KSR1: variants seen among roughly 807,000 people sequenced by gnomAD.
The protein encoded by KSR1 is kinase suppressor of ras 1.
KSR1 carries 35 observed loss-of-function variants against 92.9 expected under a neutral mutation model. The observed-to-expected ratio is 0.38, with a 90% CI of 0.29 to 0.50. The LOEUF is 0.50. KSR1 is among the 20% of genes least tolerant of loss of function. KSR1 has a pLI of 0.94. For missense variants in KSR1, 972 were observed against 1,158.5 expected (o/e 0.84, Z 2.34); for synonymous variants, 467 against 472.6 (o/e 0.99, Z 0.15).
At chr17:27,462,882 T>G (rs1022157941) in intron 1 of KSR1, among the ~76,000 whole-genome samples, 1 of 152,236 alleles carries the variant, frequency 6.6e-6, no homozygotes, top group Non-Finnish European at 1.5e-5. Flanking sequence ...CATTGCCTTG[T>G]AAATGTCTTC....
chr17:27,602,947 G>C (rs990623036), intron 11 of KSR1, among the ~76,000 whole-genome samples: 1 of 152,256 alleles, frequency 6.6e-6, no homozygotes, highest in African/African-American at 2.4e-5. Context: ...AGAAGGTCGA[G>C]GGAGGTCTTT....
intron 1 of KSR1, among the ~76,000 whole-genome samples, chr17:27,545,623 T>C (rs1412769597): frequency 6.6e-6 from 1 of 151,844 alleles, no homozygotes; most frequent in East Asian, 1.9e-4. Flanking sequence ...CCTCCCAGAG[T>C]TTCCAGCCTG....
intron 18 of KSR1, 81 bp from the exon 19 acceptor site, chr17:27,617,214 G>C: frequency 7.0e-7 from 1 of 1,436,148 alleles, no homozygotes; most frequent in South Asian, 1.5e-5. Flanking sequence ...ACATCAAAGG[G>C]ACCCTTTGTG....
chr17:27,493,505 C>T (rs918247975), intron 1 of KSR1, among the ~76,000 whole-genome samples: 7 of 152,180 alleles, frequency 4.6e-5, no homozygotes, highest in Non-Finnish European at 8.8e-5. Flanking sequence ...CCGTGGTGCT[C>T]GGTAGACCCC....
chr17:27,576,125 C>T (rs773083948), intron 2 of KSR1, among the ~76,000 whole-genome samples: 7 of 152,316 alleles, frequency 4.6e-5, no homozygotes, highest in Admixed American at 2.0e-4. Flanking sequence ...CTGCTTTTCA[C>T]GCTTCAGGTC....
At chr17:27,615,148 C>T (rs2074023567) in intron 18 of KSR1, among the ~76,000 whole-genome samples, 1 of 152,242 alleles carries the variant, frequency 6.6e-6, no homozygotes, top group Non-Finnish European at 1.5e-5. Context: ...CCAAAGGCAT[C>T]ACCTGGGTCT....
chr17:27,472,734 C>T (rs1372064858), intron 1 of KSR1, among the ~76,000 whole-genome samples: 3 of 151,994 alleles, frequency 2.0e-5, no homozygotes, highest in Non-Finnish European at 4.4e-5. Flanking sequence ...ACCTGGGAGA[C>T]GGAGGTTGCA....
At position 27,559,891 on chromosome 17, in the gene KSR1, G is replaced by A. The variant is rs534818222; in HGVS notation, c.372+9183G>A. ...GGTGGATTCCTGCAGCTCTCCCTGT[G>A]TGCAGTGTAGGGGTTGGGGCTCCTC... On this transcript the variant is annotated intron_variant, in intron 2 of 20. Coordinates refer to ENST00000644974, the MANE Select transcript of KSR1 (RefSeq NM_001394583.1). This position sits in a 1 kb window ranked among gnomAD's most constrained non-coding sequence, Gnocchi z 4.2. Among the ~76,000 whole-genome samples the A allele has an allele frequency of 1.3e-4, 20 of 152,254 alleles. No homozygotes were observed. Among genetic ancestry groups the A allele is most frequent in the Non-Finnish European group, 2.5e-4 (17 of 68,038 alleles).
At chr17:27,599,198 A>G (rs528888792) in intron 10 of KSR1, among the ~76,000 whole-genome samples, 4 of 152,380 alleles carry the variant, frequency 2.6e-5, no homozygotes, top group African/African-American at 4.8e-5. Flanking sequence ...TTGTAGCACA[A>G]TGCTAAATAT....
chr17:27,487,588 A>T (rs201013597), intron 1 of KSR1, among the ~76,000 whole-genome samples: 71,978 of 147,478 alleles, frequency 0.49, 18,169 homozygotes, highest in East Asian at 0.66. Context: ...ATCTCTTTTA[A>T]AAAAAAAAAA....
chr17:27,521,029 G>A (rs1280674002), intron 1 of KSR1, among the ~76,000 whole-genome samples: 1 of 152,196 alleles, frequency 6.6e-6, no homozygotes, highest in African/African-American at 2.4e-5. Flanking sequence ...TCAAGCACTT[G>A]TGGCTGTCAC....
intron 1 of KSR1, among the ~76,000 whole-genome samples, chr17:27,480,780 A>G (rs548028751): frequency 2.0e-4 from 31 of 152,344 alleles, no homozygotes; most frequent in African/African-American, 7.2e-4. Context: ...TTACTAAGAA[A>G]ACTGCCAAGG....
In KSR1 at chr17:27,473,862, G is replaced by A. The variant is rs76474369; in HGVS notation, c.231+16988G>A. On this transcript the variant is annotated intron_variant, in intron 1 of 20. Transcript: ENST00000644974. ...TTGTGTGGTTGGCCTGGTGGCTTAT[G>A]AGGAGAGGTGAACATTTGAGACAAA... Among the ~76,000 whole-genome samples the A allele has an allele frequency of 9.9e-4, 151 of 152,250 alleles. 4 individuals are homozygous for A. The East Asian group carries it at 0.028, about 28-fold the overall frequency.
chr17:27,504,727 C>G (rs1438471736), intron 1 of KSR1, among the ~76,000 whole-genome samples: 1 of 152,186 alleles, frequency 6.6e-6, no homozygotes, highest in African/African-American at 2.4e-5. Context: ...TGCTGCCTTA[C>G]CTGAGTAGCA....
At chr17:27,503,741 CT>C (rs375500593) in intron 1 of KSR1, among the ~76,000 whole-genome samples, 1 of 152,122 alleles carries the variant, frequency 6.6e-6, no homozygotes, top group Non-Finnish European at 1.5e-5. Context: ...AGTGGGGAAA[CT>C]TTTAGTGCTC....
At chr17:27,569,444 A>AAGGAGGAGGAGCC (rs1219818889) in intron 2 of KSR1, among the ~76,000 whole-genome samples, 1 of 152,178 alleles carries the variant, frequency 6.6e-6, no homozygotes, top group Admixed American at 6.5e-5. Context: ...GGAGGTGGGA[A>AAGGAGGAGGAGCC]AGGAGGAGGA....
intron 1 of KSR1, among the ~76,000 whole-genome samples, chr17:27,489,612 C>G (rs1484440901): frequency 2.0e-5 from 3 of 152,204 alleles, no homozygotes; most frequent in Non-Finnish European, 4.4e-5. Flanking sequence ...TCTTTCTCCC[C>G]CATCTGAATG....
At chr17:27,601,322 G>A (rs766332753) in intron 10 of KSR1, 38 bp from the exon 11 acceptor site, 66 of 1,591,700 alleles carry the variant, frequency 4.1e-5, no homozygotes, top group East Asian at 8.9e-5. Context: ...TGCGTTGGCC[G>A]TTCTGTGTGT....
intron 2 of KSR1, chr17:27,566,582 G>C: frequency 2.5e-6 from 1 of 399,102 alleles, no homozygotes; most frequent in Non-Finnish European, 4.4e-6. Context: ...AGGTAGGCAC[G>C]GGGGTCTGGG....
Sources: allele counts gnomAD v4.1 joint callset (sites outside exome capture counted in the v4.1 genomes callset), GRCh38; gene constraint gnomAD v4.1.1; non-coding constraint Gnocchi (gnomAD v3.1); transcripts MANE v1.5; gene names NCBI Gene and HGNC (gene_info 2026-07-23, HGNC 2026-07-21).